The following FGF14 variants were observed in gnomAD, a reference collection of about 807,000 sequenced individuals.
FGF14 encodes fibroblast growth factor 14.
In FGF14, 5 loss-of-function variants were observed where a neutral mutation model predicts 25.5. The observed-to-expected ratio is 0.20, with a 90% CI of 0.10 to 0.41. FGF14 has a LOEUF of 0.41. FGF14 is among the 10% of genes least tolerant of loss of function. The pLI, the probability that FGF14 is intolerant of heterozygous loss-of-function variation, is 1.00. For synonymous variants in FGF14, 138 were observed against 118.3 expected, an observed-to-expected ratio of 1.17 and a Z score of -1.08; for missense variants, 222 against 320.1, an observed-to-expected ratio of 0.69 and a Z score of 2.34.
At chr13:102,071,667 C>A (rs183570587) in intron 1 of FGF14, among the ~76,000 whole-genome samples, 1 of 152,120 alleles carries the variant, frequency 6.6e-6, no homozygotes, top group African/African-American at 2.4e-5. Context: ...TGCATCACTT[C>A]TTTTTCCATT....
chr13:101,787,955 T>TTGAA (rs2039946500), intron 3 of FGF14, among the ~76,000 whole-genome samples: 1 of 152,190 alleles, frequency 6.6e-6, no homozygotes, highest in South Asian at 2.1e-4. Context: ...CACTGCAACC[T>TTGAA]CCGCCTCCCA....
chr13:102,035,090 TCAA>T (rs1877333519), intron 1 of FGF14, among the ~76,000 whole-genome samples: 1 of 152,024 alleles, frequency 6.6e-6, no homozygotes, highest in South Asian at 2.1e-4. Flanking sequence ...TACGGAGAAA[TCAA>T]GTGAGGTTGT....
At chr13:102,060,227 G>A (rs1247295602) in intron 1 of FGF14, among the ~76,000 whole-genome samples, 1 of 152,048 alleles carries the variant, frequency 6.6e-6, no homozygotes, top group Admixed American at 6.6e-5. Context: ...CACTCAACCT[G>A]TAAAGAAATA....
At position 101,993,742 on chromosome 13, in the gene FGF14, T is replaced by C. The variant is rs144855552; in HGVS notation, c.209-118446A>G. 4.6e-5 allele frequency among the ~76,000 whole-genome samples: 7 copies of C among 151,980 alleles called. No homozygotes were observed. In the South Asian group the frequency reaches 6.2e-4, roughly 14 times the overall value. Reference sequence around the variant, plus strand: ...AGAGAAAAGAGAAAATGGGATTATATAGGATGCTCAATTAGAACCAGAGAA... The same window carrying C: ...AGAGAAAAGAGAAAATGGGATTATACAGGATGCTCAATTAGAACCAGAGAA... On this transcript the variant is annotated intron_variant, in intron 1 of 4. Coordinates refer to the FGF14 transcript ENST00000376131.
intron 1 of FGF14, among the ~76,000 whole-genome samples, chr13:102,097,653 C>T (rs1207704016): frequency 1.3e-5 from 2 of 152,164 alleles, no homozygotes; most frequent in Non-Finnish European, 2.9e-5. Context: ...GACACAAAAA[C>T]CCTCTGGTGG....
At chr13:102,336,323 T>C (rs1411732699) in intron 1 of FGF14, among the ~76,000 whole-genome samples, 2 of 152,300 alleles carry the variant, frequency 1.3e-5, no homozygotes, top group Admixed American at 6.5e-5. Flanking sequence ...TTTAGTGGTC[T>C]GGAGAGAAGA....
intron 1 of FGF14, among the ~76,000 whole-genome samples, chr13:102,011,038 G>A (rs1361150037): frequency 4.6e-5 from 7 of 152,124 alleles, no homozygotes; most frequent in Admixed American, 6.6e-5. Context: ...TCATTTTAGT[G>A]TATTATTTTA....
At chr13:102,204,620 C>T (rs916815074) in intron 1 of FGF14, among the ~76,000 whole-genome samples, 2 of 152,090 alleles carry the variant, frequency 1.3e-5, no homozygotes, top group East Asian at 1.9e-4. Flanking sequence ...GGTCGTGGCT[C>T]ACTGCAAACT....
chr13:101,881,341 G>T (rs2045699343), intron 1 of FGF14, among the ~76,000 whole-genome samples: 1 of 152,092 alleles, frequency 6.6e-6, no homozygotes, highest in Non-Finnish European at 1.5e-5. Flanking sequence ...GAGCTCTCAT[G>T]GCCCACACAA....
intron 1 of FGF14, among the ~76,000 whole-genome samples, chr13:102,073,682 TG>T (rs2043238223): frequency 6.6e-6 from 1 of 152,210 alleles, no homozygotes; most frequent in Non-Finnish European, 1.5e-5. Context: ...TCATGCTAAC[TG>T]GGAAAAAGCA....
intron 3 of FGF14, among the ~76,000 whole-genome samples, chr13:101,815,628 T>C (rs999630129): frequency 1.3e-5 from 2 of 151,756 alleles, no homozygotes; most frequent in African/African-American, 4.9e-5. Flanking sequence ...GCACTAGTGG[T>C]GACTCCCTTC....
chr13:101,997,105 C>A (rs1349612540), intron 1 of FGF14, among the ~76,000 whole-genome samples: 1 of 152,236 alleles, frequency 6.6e-6, no homozygotes, highest in Admixed American at 6.5e-5. Flanking sequence ...CACTTCCTAG[C>A]AGTTTTCACC....
intron 1 of FGF14, among the ~76,000 whole-genome samples, chr13:101,906,179 C>T (rs750365008): frequency 1.3e-5 from 2 of 152,176 alleles, no homozygotes; most frequent in African/African-American, 4.8e-5. Context: ...ATTCAGTCTT[C>T]TCTACCCCAA....
At chr13:102,062,428 G>A (rs1288903040) in intron 1 of FGF14, among the ~76,000 whole-genome samples, 2 of 151,980 alleles carry the variant, frequency 1.3e-5, no homozygotes, top group Non-Finnish European at 2.9e-5. Context: ...AATACGACTA[G>A]TAAAACAGAA....
At chr13:102,310,651 T>TTCTCTCTCTC (rs34400050) in intron 1 of FGF14, among the ~76,000 whole-genome samples, 538 of 45,800 alleles carry the variant, frequency 0.012, 15 homozygotes, top group Non-Finnish European at 0.015. Context: ...CTCTTCCCGT[T>TTCTCTCTCTC]TCTCTCTCTC....
At chr13:102,364,928 G>T (rs1759510035) in intron 1 of FGF14, among the ~76,000 whole-genome samples, 1 of 152,160 alleles carries the variant, frequency 6.6e-6, no homozygotes, top group African/African-American at 2.4e-5. Context: ...GGCCTAAACT[G>T]TTCAGTCTGA....
chr13:102,079,064 GTCC>G (rs1439149724), intron 1 of FGF14, among the ~76,000 whole-genome samples: 1 of 152,156 alleles, frequency 6.6e-6, no homozygotes, highest in African/African-American at 2.4e-5. Context: ...AGCTGTCTCT[GTCC>G]TCCTGTTCCT....
At chr13:102,154,166 T>C (rs1468876587) in intron 1 of FGF14, among the ~76,000 whole-genome samples, 7 of 151,850 alleles carry the variant, frequency 4.6e-5, no homozygotes, top group Admixed American at 4.6e-4. Context: ...ATACAGAGAA[T>C]GCCACAAAGA....
chr13:101,969,187 T>C (rs1008348693), intron 1 of FGF14, among the ~76,000 whole-genome samples: 3 of 152,222 alleles, frequency 2.0e-5, no homozygotes, highest in African/African-American at 7.2e-5. Context: ...ACTTAGCTCA[T>C]AGTTGTCACT....
Sources: gnomAD v4.1 joint callset for allele counts (sites outside exome capture counted in the v4.1 genomes callset) on GRCh38, gnomAD v4.1.1 for gene constraint, MANE v1.5 for transcripts, NCBI Gene and HGNC (gene_info 2026-07-23, HGNC 2026-07-21) for gene names.